Variants in IQGAP1 observed in about 807,000 individuals in gnomAD.
The protein encoded by IQGAP1 is IQ motif containing GTPase activating protein 1.
A neutral mutation model predicts 215.6 loss-of-function variants in IQGAP1; 66 were observed. The observed-to-expected ratio is 0.31, with a 90% CI of 0.25 to 0.38. IQGAP1 has a LOEUF of 0.38. IQGAP1 is among the 10% of genes least tolerant of loss of function. IQGAP1 has a pLI of 1.00. For synonymous variants in IQGAP1, 772 were observed against 728.7 expected (o/e 1.06, Z -0.96); for missense variants, 1,712 against 1,997.1 (o/e 0.86, Z 2.72).
Position 90,483,599 on chromosome 15 carries a change from G to C in IQGAP1, c.3788+6G>C. ...CAGTCCTACCAGAAATTCAGGTAAGGGGAAAGGCACAAGTGCTTAAGAGAG... is the reference window on the plus strand; with the variant it reads ...CAGTCCTACCAGAAATTCAGGTAAGCGGAAAGGCACAAGTGCTTAAGAGAG... On this transcript the variant is annotated splice_donor_region_variant and intron_variant, in intron 29 of 37. Transcript: ENST00000268182. 2 of 1,585,060 alleles carry C rather than the reference G, an allele frequency of 1.3e-6. No individual in the cohort carries two copies. The highest frequency in any genetic ancestry group is 2.2e-5 in the South Asian group (2 of 90,488).
chr15:90,453,242 G>C lies in IQGAP1; in HGVS notation c.1437G>C (p.Leu479Phe). The change falls in exon 13 of 38, where the codon TTG (leucine) becomes TTC (phenylalanine). Residue 479 changes from leucine (L) to phenylalanine (F), a missense_variant. Leu to Phe is a conservative substitution (Grantham distance 22). Coordinates refer to ENST00000268182, the MANE Select transcript of IQGAP1 (RefSeq NM_003870.4). ...ATGTGAATACAGTGTGGAAGCAATT[G>C]AGCAGTTCAGTTACTGGTCTTACCA... is the stretch of plus-strand genomic sequence containing the variant. ...SGDVNTVWKQ[L>F]SSSVTGLTNI... 1 of 1,614,012 alleles carries C rather than the reference G, an allele frequency of 6.2e-7. No individual in the cohort carries two copies. The highest frequency in any genetic ancestry group is 2.2e-5 in the East Asian group (1 of 44,886).
Position 90,486,980 on chromosome 15 carries a change from C to G in IQGAP1, c.4051C>G (p.Pro1351Ala). The change falls in exon 32 of 38, where the codon CCA becomes GCA. Residue 1351 changes from proline (P) to alanine (A), a missense_variant. Coordinates refer to ENST00000268182, the MANE Select transcript of IQGAP1 (RefSeq NM_003870.4). ...IGESSGNLND[P>A]NKEALAKTEV... ...GGAAAGCTCTGGCAATTTAAATGACCCAAATAAGGAGGCACTGGCTAAGAC... is the reference window on the plus strand; with the variant it reads ...GGAAAGCTCTGGCAATTTAAATGACGCAAATAAGGAGGCACTGGCTAAGAC... The G allele has an allele frequency of 6.2e-7, 1 of 1,614,048 alleles. No homozygotes were observed. Among genetic ancestry groups the G allele is most frequent in the Non-Finnish European group, 8.5e-7 (1 of 1,179,984 alleles).
At chr15:90,419,519 T>C (rs1359863387) in intron 2 of IQGAP1, among the ~76,000 whole-genome samples, 1 of 152,216 alleles carries the variant, frequency 6.6e-6, no homozygotes, top group African/African-American at 2.4e-5. Context: ...AAATATTGAA[T>C]ATTTATATTT....
At chr15:90,439,811 A>G (rs1246496722) in intron 6 of IQGAP1, among the ~76,000 whole-genome samples, 1 of 152,162 alleles carries the variant, frequency 6.6e-6, no homozygotes, top group East Asian at 1.9e-4. Context: ...AAAGATGCCA[A>G]TTTAGTAATT....
At chr15:90,407,126 C>T (rs10520689) in intron 2 of IQGAP1, among the ~76,000 whole-genome samples, 30,367 of 152,028 alleles carry the variant, frequency 0.2, 4,280 homozygotes, top group African/African-American at 0.4. Flanking sequence ...TCCTTTTCAA[C>T]GTAGAAGCTG....
At position 90,492,671 on chromosome 15, in the gene IQGAP1, T is replaced by C; in HGVS notation, c.4588T>C (p.Tyr1530His). 6.2e-7 allele frequency: 1 copy of C among 1,613,840 alleles called. No homozygotes were observed. Among genetic ancestry groups the C allele is most frequent in the Non-Finnish European group, 8.5e-7 (1 of 1,179,930 alleles). Residue 1530 changes from tyrosine (Y) to histidine (H), a missense_variant, in exon 35 of 38, where the codon TAT becomes CAT. Physicochemically the swap from Tyr to His is moderately conservative, Grantham distance 83 (BLOSUM62 2). Transcript: ENST00000268182. ...GGAGCAGGTGGATTACTATAAAAGC[T>C]ATATCAAAACCTGCTTGGATAACTT... Reference protein sequence around the residue: ...YGEQVDYYKSYIKTCLDNLAS... With the variant: ...YGEQVDYYKSHIKTCLDNLAS...
At chr15:90,408,219 A>G (rs1238268903) in intron 2 of IQGAP1, among the ~76,000 whole-genome samples, 1 of 152,148 alleles carries the variant, frequency 6.6e-6, no homozygotes, top group Non-Finnish European at 1.5e-5. Flanking sequence ...GATATTGTTA[A>G]GTTGAATGAG....
At chr15:90,495,528 C>A (rs1031278890) in intron 36 of IQGAP1, among the ~76,000 whole-genome samples, 1 of 151,894 alleles carries the variant, frequency 6.6e-6, no homozygotes, top group African/African-American at 2.4e-5. Flanking sequence ...CCACTGAAAT[C>A]GTTTTAATGT....
Position 90,454,469 on chromosome 15 carries a change from C to T in IQGAP1, c.1529C>T (p.Ala510Val). 1 of 1,612,692 alleles carries T rather than the reference C, an allele frequency of 6.2e-7. No individual in the cohort carries two copies. The highest frequency in any genetic ancestry group is 1.7e-5 in the Admixed American group (1 of 59,748). The change falls in exon 14 of 38, where the codon GCA (alanine) becomes GTA (valine). Residue 510 changes from alanine to valine, a missense_variant. Ala to Val is a moderately conservative substitution (Grantham distance 64). Coordinates refer to ENST00000268182, the MANE Select transcript of IQGAP1 (RefSeq NM_003870.4). ...ATGAAACTGAAGGCTCAGGCACATG[C>T]AGAGAATAATGAATTCATTACATGG... ...ELMKLKAQAH[A>V]ENNEFITWND...
chr15:90,484,310 A>G lies in IQGAP1; in HGVS notation c.3879A>G (p.Pro1293=), dbSNP rs1966097097. 3.7e-6 allele frequency: 6 copies of G among 1,612,784 alleles called. No individual in the cohort carries two copies. The highest frequency in any genetic ancestry group is 5.1e-6 in the Non-Finnish European group (6 of 1,178,822). ...CTGATTTAGTAACCCTCACCAAACC[A>G]GTAATCTACATTTCCATTGGTGAAA... ...EYSDLVTLTK[P]VIYISIGEII... Residue 1293 remains proline, a synonymous_variant, in exon 30 of 38, where the codon CCA becomes CCG. Coordinates refer to ENST00000268182, the MANE Select transcript of IQGAP1 (RefSeq NM_003870.4).
At chr15:90,467,034 G>A (rs748341577) in intron 17 of IQGAP1, among the ~76,000 whole-genome samples, 16 of 152,138 alleles carry the variant, frequency 1.1e-4, no homozygotes, top group African/African-American at 3.1e-4. Context: ...AGAGGCTGCC[G>A]TGAGCCAAGA....
chr15:90,425,868 C>A (rs927844712), intron 2 of IQGAP1, among the ~76,000 whole-genome samples: 12 of 152,142 alleles, frequency 7.9e-5, no homozygotes, highest in Non-Finnish European at 5.9e-5. Context: ...TGTGTTGCTG[C>A]AGCAGAGGAA....
At chr15:90,486,393 T>TA (rs35509442) in intron 31 of IQGAP1, 42,696 of 281,192 alleles carry the variant, frequency 0.15, 4,818 homozygotes, top group African/African-American at 0.36. Context: ...TGTGTTTTTT[T>TA]AAAAAAATTG....
rs745636288 is a variant in IQGAP1 at position 90,473,790 on chromosome 15, G to C, written c.2425G>C (p.Val809Leu). 3.1e-6 allele frequency: 5 copies of C among 1,612,718 alleles called. No homozygotes were observed. The Admixed American group carries it at 8.4e-5, about 27-fold the overall frequency. ...TTACCTGCGCTCCCACAAAGATGAA[G>C]TTGTAAAGGTATGGTAGCCTGAACA... ...LAYLRSHKDE[V>L]VKIQSLARMH... Residue 809 changes from valine to leucine, a missense_variant, in exon 20 of 38, where the codon GTT becomes CTT. This residue lies in a region of IQGAP1 where 1,021 missense variants were observed against 1,074.2 expected (regional missense o/e 0.95). Transcript: ENST00000268182.
Position 90,388,310 on chromosome 15 carries a change from G to A in IQGAP1, c.-32G>A. On this transcript the variant is annotated 5_prime_UTR_variant, in exon 1 of 38. Coordinates refer to ENST00000268182, the MANE Select transcript of IQGAP1 (RefSeq NM_003870.4). The stretch of plus-strand genomic sequence containing the variant: ...CCGTCCGCGCCTCCAAGGTTTCACG[G>A]CTTCCTCAGCAGAGACTCGGGCTCG... 1 of 1,597,994 alleles carries A rather than the reference G, an allele frequency of 6.3e-7. No individual in the cohort carries two copies. The highest frequency in any genetic ancestry group is 8.5e-7 in the Non-Finnish European group (1 of 1,173,684).
chr15:90,473,883 C>T lies in IQGAP1; in HGVS notation c.2434-13C>T. ...GAAGGACTCTTCTAATTTCCAGGAT[C>T]CCTTTTCCACAGATTCAGTCCCTGG... On this transcript the variant is annotated splice_polypyrimidine_tract_variant and intron_variant, in intron 20 of 37. Transcript: ENST00000268182. 1.9e-6 allele frequency: 3 copies of T among 1,613,656 alleles called. No individual in the cohort carries two copies. The highest frequency in any genetic ancestry group is 1.1e-5 in the South Asian group (1 of 91,034).
intron 9 of IQGAP1, among the ~76,000 whole-genome samples, chr15:90,444,954 C>G (rs2151020825): frequency 6.6e-6 from 1 of 152,180 alleles, no homozygotes; most frequent in Non-Finnish European, 1.5e-5. Context: ...GAAACCCTGT[C>G]TCTACAAAAA....
intron 14 of IQGAP1, 26 bp downstream of exon 14, chr15:90,454,578 A>G (rs919005524): frequency 1.3e-6 from 2 of 1,515,902 alleles, no homozygotes; most frequent in Non-Finnish European, 1.8e-6. Context: ...GTCCTCCCCA[A>G]ATAATGTCAC....
intron 2 of IQGAP1, among the ~76,000 whole-genome samples, chr15:90,393,337 A>T (rs957001463): frequency 6.6e-6 from 1 of 152,144 alleles, no homozygotes; most frequent in Non-Finnish European, 1.5e-5. Flanking sequence ...ACATCTCTAG[A>T]TTACTTATCA....
Sources: gnomAD v4.1 joint callset for allele counts (sites outside exome capture counted in the v4.1 genomes callset) on GRCh38, gnomAD v4.1.1 for gene constraint, gnomAD v4.1.1 regional missense constraint, MANE v1.5 for transcripts, NCBI Gene and HGNC (gene_info 2026-07-23, HGNC 2026-07-21) for gene names.